CACNA1C: variants seen among roughly 807,000 people sequenced by gnomAD.
CACNA1C encodes the protein voltage-dependent L-type calcium channel subunit alpha-1C.
CACNA1C carries 30 observed loss-of-function variants against 229.0 expected under a neutral mutation model. The ratio of observed to expected loss-of-function variants is 0.13; its 90% CI spans 0.10 to 0.18. The LOEUF is 0.18. Ranked by LOEUF, CACNA1C falls within the 10% of genes least tolerant of loss-of-function variation. The pLI is 1.00. For missense variants in CACNA1C, 1,658 were observed against 2,845.0 expected (o/e 0.58, Z 9.49); for synonymous variants, 1,114 against 1,132.5 (o/e 0.98, Z 0.33).
At chr12:2,435,536 C>T (rs576939036) in intron 3 of CACNA1C, among the ~76,000 whole-genome samples, 20 of 152,258 alleles carry the variant, frequency 1.3e-4, no homozygotes, top group East Asian at 5.8e-4. Flanking sequence ...TCACATGGTC[C>T]GGGCAGGGGG....
rs150722475 is a variant in CACNA1C, at chr12:2,068,276, G to C, written c.49+14665G>C. Among the ~76,000 whole-genome samples the C allele has an allele frequency of 2.2e-3, 328 of 152,284 alleles. 3 individuals carry two copies. The highest frequency in any genetic ancestry group is 7.5e-3 in the African/African-American group (310 of 41,562). Reference sequence around the variant, plus strand: ...GTAGGAAGGTGTGAATGACCAGCAGGTACCCCCCAGACCCTGCCCCAGTCC... The same window carrying C: ...GTAGGAAGGTGTGAATGACCAGCAGCTACCCCCCAGACCCTGCCCCAGTCC... On this transcript the variant is annotated intron_variant, in intron 1 of 46. Coordinates refer to ENST00000399655, the MANE Select transcript of CACNA1C (RefSeq NM_000719.7).
chr12:2,282,668 T>G (rs1339066461), intron 3 of CACNA1C, among the ~76,000 whole-genome samples: 1 of 152,210 alleles, frequency 6.6e-6, no homozygotes, highest in Non-Finnish European at 1.5e-5. Context: ...AAAGGAGACC[T>G]GCAGTCTGGC....
chr12:2,514,884 A>G (rs78856369), intron 9 of CACNA1C, among the ~76,000 whole-genome samples: 6,151 of 152,296 alleles, frequency 0.04, 199 homozygotes, highest in Middle Eastern at 0.058. Flanking sequence ...AGCATGGAGT[A>G]TTATTTGCTG....
At chr12:2,474,937 T>C (rs1237736792) in intron 5 of CACNA1C, among the ~76,000 whole-genome samples, 3 of 152,144 alleles carry the variant, frequency 2.0e-5, no homozygotes, top group African/African-American at 7.2e-5. Context: ...TAGAAACAAA[T>C]GTGAATCCTC....
At chr12:2,201,634 G>A (rs915099229) in intron 3 of CACNA1C, among the ~76,000 whole-genome samples, 1 of 152,124 alleles carries the variant, frequency 6.6e-6, no homozygotes, top group Non-Finnish European at 1.5e-5. Flanking sequence ...TTTTTTTACT[G>A]CTTGTGTGTC....
chr12:2,449,237 A>G (rs1413701836), intron 4 of CACNA1C, 122 bp downstream of exon 4: 16 of 644,966 alleles, frequency 2.5e-5, no homozygotes. Flanking sequence ...CAGATGATCT[A>G]GAGTGAGAAA....
intron 1 of CACNA1C, among the ~76,000 whole-genome samples, chr12:2,058,186 C>T (rs11062094): frequency 0.18 from 26,841 of 151,394 alleles, 2,583 homozygotes; most frequent in African/African-American, 0.24. Flanking sequence ...TGGCACTGTG[C>T]TAAGAAGGGG....
chr12:2,068,141 T>C (rs1037560586), intron 1 of CACNA1C, among the ~76,000 whole-genome samples: 2 of 152,212 alleles, frequency 1.3e-5, no homozygotes, highest in Non-Finnish European at 2.9e-5. Context: ...AAAAATATGA[T>C]ATCCTGAATG....
At chr12:2,109,539 G>A (rs1042040229) in intron 1 of CACNA1C, among the ~76,000 whole-genome samples, 5 of 152,324 alleles carry the variant, frequency 3.3e-5, no homozygotes, top group African/African-American at 9.6e-5. Flanking sequence ...GGGGAGTGAG[G>A]TGAACTCAGA....
At chr12:2,276,646 A>T in intron 3 of CACNA1C, among the ~76,000 whole-genome samples, 1 of 152,212 alleles carries the variant, frequency 6.6e-6, no homozygotes. Flanking sequence ...AACAGCTTCT[A>T]CACCTTAATT....
chr12:2,013,016 C>T (rs929882092), intron 1 of CACNA1C, among the ~76,000 whole-genome samples: 1 of 152,158 alleles, frequency 6.6e-6, no homozygotes, highest in African/African-American at 2.4e-5. Context: ...CTTCAATCTC[C>T]CTAAACTACA....
chr12:2,016,132 G>T (rs968761863), intron 1 of CACNA1C, among the ~76,000 whole-genome samples: 7 of 152,160 alleles, frequency 4.6e-5, no homozygotes, highest in Non-Finnish European at 2.9e-5. Flanking sequence ...AGACATGAAT[G>T]ACTTCATTTC....
At chr12:2,449,672 A>G (rs1049717121) in intron 4 of CACNA1C, among the ~76,000 whole-genome samples, 1 of 152,220 alleles carries the variant, frequency 6.6e-6, no homozygotes, top group Non-Finnish European at 1.5e-5. Context: ...CCCACACAGC[A>G]TGCACACACG....
Position 2,275,968 on chromosome 12 carries a change from C to T in CACNA1C, c.477+155538C>T, listed in dbSNP as rs188011330. Reference sequence around the variant, plus strand: ...CCTGGACCCCTCTCAGATACAAAACCCAAGGATGCCCATGTCCTTTTATGT... The same window carrying T: ...CCTGGACCCCTCTCAGATACAAAACTCAAGGATGCCCATGTCCTTTTATGT... On this transcript the variant is annotated intron_variant, in intron 3 of 46. Transcript: ENST00000399655. This position sits in a 1 kb window ranked among gnomAD's most constrained non-coding sequence, Gnocchi z 4.1. Among the ~76,000 whole-genome samples the T allele has an allele frequency of 3.3e-4, 51 of 152,308 alleles. No individual in the cohort carries two copies. Among genetic ancestry groups the T allele is most frequent in the Admixed American group, 1.5e-3 (23 of 15,304 alleles).
At chr12:2,277,453 TCTC>T (rs1258196070) in intron 3 of CACNA1C, among the ~76,000 whole-genome samples, 1 of 150,310 alleles carries the variant, frequency 6.7e-6, no homozygotes, top group Admixed American at 6.6e-5. Context: ...GAAGAGGACT[TCTC>T]TTCTTGATTC....
At chr12:2,494,520 C>A (rs1029751162) in intron 7 of CACNA1C, among the ~76,000 whole-genome samples, 6 of 152,126 alleles carry the variant, frequency 3.9e-5, no homozygotes, top group Admixed American at 3.9e-4. Flanking sequence ...TTTATTTGGC[C>A]ATCGTGAAAA....
Position 2,261,699 on chromosome 12 carries a change from G to C in CACNA1C, c.477+141269G>C, listed in dbSNP as rs1031462981. ...ACTAGGAGATATAGCATCAGAGGTG[G>C]TTTTCTATACATATATGGGCCAAGC... On this transcript the variant is annotated intron_variant, in intron 3 of 46. Coordinates refer to ENST00000399655, the MANE Select transcript of CACNA1C (RefSeq NM_000719.7). Among the ~76,000 whole-genome samples the C allele has an allele frequency of 5.3e-5, 8 of 152,260 alleles. No individual in the cohort carries two copies. The East Asian group carries it at 1.5e-3, about 29-fold the overall frequency.
At chr12:2,135,512 T>C (rs2093233825) in intron 3 of CACNA1C, among the ~76,000 whole-genome samples, 1 of 131,968 alleles carries the variant, frequency 7.6e-6, no homozygotes, top group Non-Finnish European at 1.6e-5. Flanking sequence ...TGTTTGTTAG[T>C]TTTCCTTCTA....
intron 3 of CACNA1C, among the ~76,000 whole-genome samples, chr12:2,343,775 G>T (rs888191880): frequency 1.3e-5 from 2 of 152,164 alleles, no homozygotes; most frequent in African/African-American, 4.8e-5. Context: ...AGGGCAGTAG[G>T]GAAATGATGT....
Sources: gnomAD v4.1 joint callset for allele counts (sites outside exome capture counted in the v4.1 genomes callset) on GRCh38, gnomAD v4.1.1 for gene constraint, Gnocchi (gnomAD v3.1) non-coding constraint, MANE v1.5 for transcripts, NCBI Gene and HGNC (gene_info 2026-07-23, HGNC 2026-07-21) for gene names.